Variants in CC2D2A observed in about 807,000 individuals in gnomAD.
CC2D2A encodes coiled-coil and C2 domain-containing protein 2A.
In CC2D2A, 155 loss-of-function variants were observed where a neutral mutation model predicts 212.9. That is an observed-to-expected ratio of 0.73 (90% CI 0.64 to 0.83). The LOEUF (loss-of-function observed/expected upper bound fraction) is 0.83. CC2D2A is among the 40% of genes least tolerant of loss of function. The probability of loss-of-function intolerance (pLI) is 0.00; values close to 1 mark genes in which losing one functional copy is unlikely to be tolerated. For missense variants in CC2D2A, 1,856 were observed against 1,956.2 expected (o/e 0.95, Z 0.97); for synonymous variants, 667 against 686.5 (o/e 0.97, Z 0.44).
chr4:15,596,428 T>TG (rs1721327986), intron 34 of CC2D2A, among the ~76,000 whole-genome samples: 1 of 151,968 alleles, frequency 6.6e-6, no homozygotes, highest in South Asian at 2.1e-4. Context: ...AGTTTTGATA[T>TG]AAAGTTTCAT....
chr4:15,499,436 C>A (rs1306295140), intron 4 of CC2D2A, among the ~76,000 whole-genome samples: 1 of 152,032 alleles, frequency 6.6e-6, no homozygotes, highest in Admixed American at 6.5e-5. Context: ...AAATTAAAGT[C>A]TATTAAAAGT....
intron 10 of CC2D2A, among the ~76,000 whole-genome samples, chr4:15,516,371 T>A (rs1716874272): frequency 6.6e-6 from 1 of 152,182 alleles, no homozygotes; most frequent in Non-Finnish European, 1.5e-5. Flanking sequence ...AGAAGATAAA[T>A]TTTTCTTAAG....
chr4:15,527,754 C>A, intron 12 of CC2D2A, 98 bp downstream of exon 12: 1 of 849,846 alleles, frequency 1.2e-6, no homozygotes, highest in Non-Finnish European at 1.8e-6. Flanking sequence ...TCATGCCCCT[C>A]TTTCACATGT....
intron 34 of CC2D2A, among the ~76,000 whole-genome samples, chr4:15,596,764 T>C (rs1442656603): frequency 6.6e-6 from 1 of 152,204 alleles, no homozygotes; most frequent in East Asian, 1.9e-4. Flanking sequence ...CTCCCATATG[T>C]GTATAAGGTG....
At chr4:15,541,069 T>C (rs961986973) in intron 17 of CC2D2A, 55 bp downstream of exon 17, 3 of 1,410,970 alleles carry the variant, frequency 2.1e-6, no homozygotes, top group Non-Finnish European at 2.8e-6. Flanking sequence ...GCCTGTACTT[T>C]GGGAGGCCAA....
At position 15,555,077 on chromosome 4, in the gene CC2D2A, T is replaced by G; in HGVS notation, c.2492T>G (p.Leu831Trp). 6.2e-7 allele frequency: 1 copy of G among 1,610,658 alleles called. No homozygotes were observed. Among genetic ancestry groups the G allele is most frequent in the Non-Finnish European group, 8.5e-7 (1 of 1,178,228 alleles). Residue 831 changes from leucine (L) to tryptophan (W), a missense_variant, in exon 20 of 37, where the codon TTG becomes TGG. Leu to Trp is a moderately conservative substitution (Grantham distance 61). This residue lies in a region of CC2D2A where 1,512 missense variants were observed against 1,579.3 expected (regional missense o/e 0.96). Transcript: ENST00000424120. Reference sequence around the variant, plus strand: ...GAATCAACTCTTCTTTTCAGTGCTTTGAAGAAAGCAGATGCCATCTCATCT... The same window carrying G: ...GAATCAACTCTTCTTTTCAGTGCTTGGAAGAAAGCAGATGCCATCTCATCT... The part of the protein sequence containing the change: ...SQQNIGFRSA[L>W]KKADAISSIG...
intron 20 of CC2D2A, among the ~76,000 whole-genome samples, chr4:15,556,210 G>T (rs755875392): frequency 6.6e-6 from 1 of 152,196 alleles, no homozygotes; most frequent in African/African-American, 2.4e-5. Flanking sequence ...AAACAAGTAG[G>T]TAATCCAGAG....
chr4:15,594,774 ATC>A (rs1327742299), intron 33 of CC2D2A, among the ~76,000 whole-genome samples: 1 of 152,150 alleles, frequency 6.6e-6, no homozygotes, highest in African/African-American at 2.4e-5. Flanking sequence ...ATGCAACATC[ATC>A]TGTTATCCCA....
intron 4 of CC2D2A, among the ~76,000 whole-genome samples, chr4:15,495,928 A>G (rs191428532): frequency 1.4e-3 from 209 of 152,302 alleles, no homozygotes; most frequent in Non-Finnish European, 2.2e-3. Flanking sequence ...AGTAATGGCC[A>G]TTTTGACTGG....
chr4:15,500,099 G>GTATATATATATA lies in CC2D2A; in HGVS notation c.248-2329_248-2328insATATATATATAT, dbSNP rs71179633. Among the ~76,000 whole-genome samples, 338 of 69,414 alleles carry GTATATATATATA rather than the reference G, an allele frequency of 4.9e-3. 1 individual carries two copies. The highest frequency in any genetic ancestry group is 7.5e-3 in the African/African-American group (168 of 22,256). 45.5% of individuals were successfully genotyped at this position (69,414 alleles called of 152,430 possible). A position where few individuals can be genotyped will look rare whatever the true frequency, so the allele number is the denominator to read the frequency against. ...ATTGTGTGTGTGTGTGTGTGTGTGT[G>GTATATATATATA]TGTGTGTGTATATATATATATATAT... On this transcript the variant is annotated intron_variant, in intron 4 of 36. Transcript: ENST00000424120.
intron 17 of CC2D2A, among the ~76,000 whole-genome samples, chr4:15,542,391 A>G: frequency 6.6e-6 from 1 of 152,034 alleles, no homozygotes; most frequent in East Asian, 1.9e-4. Flanking sequence ...ACCACCACCC[A>G]GGCAGAAATC....
At chr4:15,516,153 C>A in intron 10 of CC2D2A, 149 bp downstream of exon 10, 1 of 736,290 alleles carries the variant, frequency 1.4e-6, no homozygotes, top group Non-Finnish European at 2.0e-6. Context: ...TTTTAACTTT[C>A]TCTCTCAGTA....
rs1361006318 is a variant in CC2D2A, at chr4:15,516,687, TC to T, written c.1082del (p.Pro361LeufsTer7). On this transcript the variant is annotated frameshift_variant, in exon 11 of 37. Coordinates refer to ENST00000424120, the MANE Select transcript of CC2D2A (RefSeq NM_001378615.1). LOFTEE classifies it high-confidence loss of function. ...LALPNPIKPF[P>X]SRPPVLTQEQ... ...CTCTGCCAAACCCCATCAAGCCATT[TC>T]CTTCAAGGCCGCCAGTACTAACACA... 4 of 1,613,422 alleles carry T rather than the reference TC, an allele frequency of 2.5e-6. No homozygotes were observed. Among genetic ancestry groups the T allele is most frequent in the Non-Finnish European group, 3.4e-6 (4 of 1,179,682 alleles).
intron 18 of CC2D2A, among the ~76,000 whole-genome samples, chr4:15,552,681 T>C (rs1719067325): frequency 6.6e-6 from 1 of 152,230 alleles, no homozygotes. Flanking sequence ...TTCTTTTCTT[T>C]CTCAGTTTTT....
At chr4:15,519,922 A>G in intron 11 of CC2D2A, 1 of 233,462 alleles carries the variant, frequency 4.3e-6, no homozygotes, top group Non-Finnish European at 8.8e-6. Context: ...CTCCTTCAGA[A>G]ACCTGTGTAA....
chr4:15,510,132 C>A lies in CC2D2A; in HGVS notation c.439-7C>A. ...GGTTTATCTATCATTTTTTTCCACT[C>A]ATATAGCCAGGGAAAGAGGTAGAAA... is the stretch of plus-strand genomic sequence containing the variant. On this transcript the variant is annotated splice_polypyrimidine_tract_variant and splice_region_variant and intron_variant, in intron 6 of 36. Transcript: ENST00000424120. 6.2e-7 allele frequency: 1 copy of A among 1,602,286 alleles called. No homozygotes were observed. Among genetic ancestry groups the A allele is most frequent in the South Asian group, 1.1e-5 (1 of 90,500 alleles).
rs929481807 is a variant in CC2D2A at position 15,586,858 on chromosome 4, C to A, written c.4065+612C>A. ...TTGCATAAAACTGAACTGTATTATA[C>A]AACTTCCTTTGAAGTATAGCCCTAA... is the stretch of plus-strand genomic sequence containing the variant. On this transcript the variant is annotated intron_variant, in intron 31 of 36. Transcript: ENST00000424120. Among the ~76,000 whole-genome samples, 5 of 152,222 alleles carry A rather than the reference C, an allele frequency of 3.3e-5. No individual in the cohort carries two copies. The South Asian group carries it at 6.2e-4, about 19-fold the overall frequency.
chr4:15,586,901 G>C (rs992878823), intron 31 of CC2D2A, among the ~76,000 whole-genome samples: 2 of 152,120 alleles, frequency 1.3e-5, no homozygotes, highest in Admixed American at 6.5e-5. Flanking sequence ...AAATTTAAGT[G>C]CACTTTAAAT....
intron 6 of CC2D2A, among the ~76,000 whole-genome samples, chr4:15,507,027 G>C (rs1260726842): frequency 6.7e-6 from 1 of 150,338 alleles, no homozygotes; most frequent in African/African-American, 2.5e-5. Context: ...GTAGTGAGCT[G>C]AGATCATGCC....
Sources: gnomAD v4.1 joint callset for allele counts (sites outside exome capture counted in the v4.1 genomes callset) on GRCh38, gnomAD v4.1.1 for gene constraint, gnomAD v4.1.1 regional missense constraint, MANE v1.5 for transcripts, NCBI Gene and HGNC (gene_info 2026-07-23, HGNC 2026-07-21) for gene names.